Variants in PPIL1 observed in about 807,000 individuals in gnomAD.
The protein encoded by PPIL1 is peptidylprolyl isomerase like 1, also known as peptidyl-prolyl cis-trans isomerase-like 1.
PPIL1 carries 14 observed loss-of-function variants against 19.4 expected under a neutral mutation model. The observed-to-expected ratio is 0.72, with a 90% CI of 0.48 to 1.13. The LOEUF (loss-of-function observed/expected upper bound fraction) is 1.13. PPIL1 is among the 50% of genes most tolerant of loss of function. The probability of loss-of-function intolerance (pLI) is 0.00; values close to 1 mark genes in which losing one functional copy is unlikely to be tolerated. For synonymous variants in PPIL1, 72 were observed against 73.6 expected (o/e 0.98, Z 0.11); for missense variants, 192 against 218.0 (o/e 0.88, Z 0.75).
rs989907890 is a variant in PPIL1 at position 36,867,856 on chromosome 6, G to A, written c.211+3862C>T. 8.5e-5 allele frequency among the ~76,000 whole-genome samples: 13 copies of A among 152,356 alleles called. No homozygotes were observed. The South Asian group carries it at 2.1e-3, about 24-fold the overall frequency. ...AAAGCAACCTAACATTTGAAGTGGG[G>A]AAGACAACCAGTTCCACATAAGTGG... On this transcript the variant is annotated intron_variant, in intron 2 of 3. Coordinates refer to ENST00000373699, the MANE Select transcript of PPIL1 (RefSeq NM_016059.5).
At chr6:36,860,430 CCTGT>C (rs1317568098) in intron 2 of PPIL1, among the ~76,000 whole-genome samples, 5 of 152,126 alleles carry the variant, frequency 3.3e-5, no homozygotes, top group South Asian at 4.1e-4. Context: ...CCATTGCACT[CCTGT>C]CTGTCTCCAA....
At chr6:36,861,101 G>A (rs924279582) in intron 2 of PPIL1, among the ~76,000 whole-genome samples, 9 of 152,030 alleles carry the variant, frequency 5.9e-5, no homozygotes, top group South Asian at 4.2e-4. Flanking sequence ...AAGAGCTCTC[G>A]GGGGCCAATA....
intron 1 of PPIL1, among the ~76,000 whole-genome samples, chr6:36,872,245 A>T (rs534105783): frequency 1.5e-4 from 23 of 152,206 alleles, no homozygotes; most frequent in Admixed American, 7.2e-4. Context: ...TTAATTTTTT[A>T]AAAAAAGAGA....
intron 1 of PPIL1, among the ~76,000 whole-genome samples, chr6:36,872,556 A>G (rs1774535326): frequency 6.6e-6 from 1 of 152,118 alleles, no homozygotes; most frequent in South Asian, 2.1e-4. Context: ...AGAAAGGACG[A>G]GTGCCTTCCC....
At position 36,855,734 on chromosome 6, in the gene PPIL1, C is replaced by T. The variant is rs932407929; in HGVS notation, c.*79G>A. ...ACTTGCAAAGCCAAAATGAATTTAG[C>T]ATTACATGTCATTCTATGTCATCTA... On this transcript the variant is annotated 3_prime_UTR_variant, in exon 4 of 4. Transcript: ENST00000373699. 1 of 1,455,124 alleles carries T rather than the reference C, an allele frequency of 6.9e-7. No individual in the cohort carries two copies. The allele number at this position is 1,455,124 out of a possible 1,614,324, so 90.1% of individuals were successfully genotyped here. A position where few individuals can be genotyped will look rare whatever the true frequency, so the allele number is the denominator to read the frequency against.
intron 2 of PPIL1, among the ~76,000 whole-genome samples, chr6:36,867,937 A>C (rs1219766740): frequency 6.6e-6 from 1 of 152,236 alleles, no homozygotes; most frequent in Non-Finnish European, 1.5e-5. Flanking sequence ...AAAGGTGGGG[A>C]TAATGTAGGT....
At chr6:36,874,660 G>A (rs1583125497) in intron 1 of PPIL1, 57 bp downstream of exon 1, 1 of 1,593,142 alleles carries the variant, frequency 6.3e-7, no homozygotes, top group Non-Finnish European at 8.6e-7. Context: ...GCAGACCCGT[G>A]GTGAGGCCCG....
intron 2 of PPIL1, among the ~76,000 whole-genome samples, chr6:36,869,991 A>G (rs969859403): frequency 6.6e-6 from 1 of 152,140 alleles, no homozygotes; most frequent in Non-Finnish European, 1.5e-5. Context: ...ATATTTAGGG[A>G]TTAGTTAATG....
intron 2 of PPIL1, among the ~76,000 whole-genome samples, chr6:36,871,141 C>T (rs1774500775): frequency 6.6e-6 from 1 of 152,224 alleles, no homozygotes; most frequent in East Asian, 1.9e-4. Context: ...GCAAGGTTCA[C>T]TTTCTTACTT....
At position 36,856,640 on chromosome 6, in the gene PPIL1, A is replaced by C; in HGVS notation, c.226T>G (p.Ser76Ala). 6.2e-7 allele frequency: 1 copy of C among 1,614,144 alleles called. No individual in the cohort carries two copies. The highest frequency in any genetic ancestry group is 1.7e-5 in the Admixed American group (1 of 60,022). The change falls in exon 3 of 4, where the codon TCT (serine) becomes GCT (alanine). Residue 76 changes from serine to alanine, a missense_variant. Physicochemically the swap from Ser to Ala is moderately conservative, Grantham distance 99. Coordinates refer to ENST00000373699, the MANE Select transcript of PPIL1 (RefSeq NM_016059.5). ...DPTGTGRGGASIYGKQFEDEL... is the reference protein window; with the variant it reads ...DPTGTGRGGAAIYGKQFEDEL... ...TCTTCAAACTGTTTGCCATAGATAG[A>C]TGCACCACCTCGACCTGCCCGATTG...
chr6:36,867,141 T>C (rs1774411141), intron 2 of PPIL1, among the ~76,000 whole-genome samples: 1 of 152,218 alleles, frequency 6.6e-6, no homozygotes, highest in African/African-American at 2.4e-5. Context: ...GGGGCTCAGA[T>C]GTCCCTTTAT....
chr6:36,869,575 G>GA (rs201109926), intron 2 of PPIL1, among the ~76,000 whole-genome samples: 342 of 150,240 alleles, frequency 2.3e-3, no homozygotes, highest in Middle Eastern at 3.4e-3. Context: ...TGAGCATTCT[G>GA]AAAAAAAAAC....
In PPIL1 at chr6:36,866,095, G is replaced by A. The variant is rs533579085; in HGVS notation, c.211+5623C>T. Among the ~76,000 whole-genome samples the A allele has an allele frequency of 5.3e-5, 8 of 152,304 alleles. No individual in the cohort carries two copies. The East Asian group carries it at 1.5e-3, about 29-fold the overall frequency. On this transcript the variant is annotated intron_variant, in intron 2 of 3. Transcript: ENST00000373699. ...AGCTAAAGGAAGAACTTGACAGGAT[G>A]TTATGTCTTACAGAGAGGACAGAAA...
chr6:36,869,665 A>G (rs16889215), intron 2 of PPIL1, among the ~76,000 whole-genome samples: 8,073 of 152,282 alleles, frequency 0.053, 283 homozygotes, highest in Middle Eastern at 0.15. Flanking sequence ...AACACTAAAT[A>G]CACTGAAACG....
At chr6:36,856,723 C>T in intron 2 of PPIL1, 69 bp from the exon 3 acceptor site, 1 of 1,432,898 alleles carries the variant, frequency 7.0e-7, no homozygotes, top group Non-Finnish European at 9.8e-7. Context: ...GAATGATGGC[C>T]CAGGGTCAAA....
chr6:36,861,976 G>A (rs112383649), intron 2 of PPIL1, among the ~76,000 whole-genome samples: 10 of 152,254 alleles, frequency 6.6e-5, no homozygotes, highest in African/African-American at 2.4e-4. Context: ...GATTACAGGT[G>A]TGAGCCACTG....
chr6:36,856,646 C>T lies in PPIL1; in HGVS notation c.220G>A (p.Gly74Ser), dbSNP rs1774173653. ...GGDPTGTGRG[G>S]ASIYGKQFED... Reference sequence around the variant, plus strand: ...AACTGTTTGCCATAGATAGATGCACCACCTCGACCTGCCCGATTGGAAGAT... The same window carrying T: ...AACTGTTTGCCATAGATAGATGCACTACCTCGACCTGCCCGATTGGAAGAT... Residue 74 changes from glycine (G) to serine (S), a missense_variant, in exon 3 of 4, where the codon GGT becomes AGT. Physicochemically the swap from Gly to Ser is moderately conservative, Grantham distance 56 (BLOSUM62 0). Transcript: ENST00000373699. 6.2e-7 allele frequency: 1 copy of T among 1,614,068 alleles called. No homozygotes were observed. The highest frequency in any genetic ancestry group is 8.5e-7 in the Non-Finnish European group (1 of 1,179,930).
At chr6:36,866,619 C>T (rs1335308126) in intron 2 of PPIL1, among the ~76,000 whole-genome samples, 3 of 152,118 alleles carry the variant, frequency 2.0e-5, no homozygotes, top group African/African-American at 7.2e-5. Context: ...CATGAACCAA[C>T]TACAGAAATA....
At chr6:36,859,150 G>A (rs936651218) in intron 2 of PPIL1, among the ~76,000 whole-genome samples, 1 of 152,166 alleles carries the variant, frequency 6.6e-6, no homozygotes, top group Non-Finnish European at 1.5e-5. Flanking sequence ...AGATGGGCTG[G>A]GCATGGTGGC....
Sources: allele counts gnomAD v4.1 joint callset (sites outside exome capture counted in the v4.1 genomes callset), GRCh38; gene constraint gnomAD v4.1.1; transcripts MANE v1.5; gene names NCBI Gene and HGNC (gene_info 2026-07-23, HGNC 2026-07-21).